RFPL1: variants seen among roughly 807,000 people sequenced by gnomAD.
The protein encoded by RFPL1 is ret finger protein like 1, also known as ret finger protein-like 1.
Under a neutral mutation model 9.6 loss-of-function variants are expected in RFPL1, and 6 were observed. That is an observed-to-expected ratio of 0.62 (90% CI 0.34 to 1.23). The LOEUF is 1.23. Among genes scored for constraint, RFPL1 ranks in the 50% most tolerant of loss-of-function variants. The pLI, the probability that RFPL1 is intolerant of heterozygous loss-of-function variation, is 0.03. For synonymous variants in RFPL1, 145 were observed against 149.4 expected (o/e 0.97, Z 0.22); for missense variants, 352 against 398.4 (o/e 0.88, Z 0.99).
the RFPL1 span, among the ~76,000 whole-genome samples, chr22:29,426,586 T>G: frequency 4.6e-5 from 7 of 152,048 alleles, no homozygotes; most frequent in African/African-American, 1.7e-4. Flanking sequence ...ACACTCTCTC[T>G]CCTAAAAATA....
chr22:29,432,063 T>C, the RFPL1 span, among the ~76,000 whole-genome samples: 1 of 152,198 alleles, frequency 6.6e-6, no homozygotes, highest in Non-Finnish European at 1.5e-5. Flanking sequence ...CATTTTACAC[T>C]GAAGGTGTGA....
chr22:29,411,265 T>C, the RFPL1 span, among the ~76,000 whole-genome samples: 2 of 152,186 alleles, frequency 1.3e-5, no homozygotes, highest in Non-Finnish European at 2.9e-5. Context: ...ATTGATATTA[T>C]CTCCATTTTA....
the RFPL1 span, among the ~76,000 whole-genome samples, chr22:29,408,524 C>T: frequency 1.3e-5 from 2 of 152,190 alleles, no homozygotes; most frequent in African/African-American, 2.4e-5. Flanking sequence ...GATGTGCAGG[C>T]GTCTGCACAC....
the RFPL1 span, among the ~76,000 whole-genome samples, chr22:29,419,886 G>A: frequency 6.6e-6 from 1 of 152,094 alleles, no homozygotes; most frequent in Admixed American, 6.5e-5. Flanking sequence ...AGCTACAAAG[G>A]TTCTGAGGAA....
At chr22:29,392,276 C>T in the RFPL1 span, among the ~76,000 whole-genome samples, 8 of 149,796 alleles carry the variant, frequency 5.3e-5, no homozygotes, top group African/African-American at 1.7e-4. Flanking sequence ...GATGGGGTTC[C>T]AACCTGTTGA....
chr22:29,441,517 G>C, intron 1 of RFPL1, 25 bp from the exon 2 acceptor site: 1 of 1,598,622 alleles, frequency 6.3e-7, no homozygotes, highest in Non-Finnish European at 8.6e-7. Context: ...TCCATTTTCT[G>C]ATCAACTTTT....
the RFPL1 span, among the ~76,000 whole-genome samples, chr22:29,393,262 T>G: frequency 5.3e-5 from 8 of 152,172 alleles, no homozygotes; most frequent in African/African-American, 1.9e-4. Flanking sequence ...TCCATGACAG[T>G]TCCATGACTG....
At chr22:29,408,371 T>C in the RFPL1 span, among the ~76,000 whole-genome samples, 4 of 152,154 alleles carry the variant, frequency 2.6e-5, no homozygotes, top group Non-Finnish European at 5.9e-5. Context: ...AGGAGAATGG[T>C]CCAGCAGCAG....
chr22:29,419,594 G>A, the RFPL1 span, among the ~76,000 whole-genome samples: 1 of 152,058 alleles, frequency 6.6e-6, no homozygotes. Flanking sequence ...CACGAGGCCA[G>A]GAGATCAAGA....
chr22:29,439,662 G>A, intron 1 of RFPL1: 1 of 157,712 alleles, frequency 6.3e-6, no homozygotes. Context: ...TCTATGTCAT[G>A]GGTTAGACAA....
At chr22:29,422,707 C>A in the RFPL1 span, among the ~76,000 whole-genome samples, 3 of 152,030 alleles carry the variant, frequency 2.0e-5, no homozygotes, top group African/African-American at 7.3e-5. Context: ...CGCGCCACTG[C>A]ACTCCAGCTT....
chr22:29,425,422 A>G, the RFPL1 span, among the ~76,000 whole-genome samples: 3 of 152,112 alleles, frequency 2.0e-5, no homozygotes, highest in Non-Finnish European at 4.4e-5. Context: ...CATCTTGACC[A>G]TGGAAAGGTC....
chr22:29,391,677 G>C, the RFPL1 span, among the ~76,000 whole-genome samples: 1 of 152,202 alleles, frequency 6.6e-6, no homozygotes, highest in Non-Finnish European at 1.5e-5. Context: ...CATTTGCGCT[G>C]TCTTGCCGAA....
the RFPL1 span, among the ~76,000 whole-genome samples, chr22:29,417,532 A>C: frequency 6.7e-6 from 1 of 149,094 alleles, no homozygotes. Context: ...CCACGAGGGC[A>C]TGGGTGAAAG....
At chr22:29,429,689 C>T in the RFPL1 span, among the ~76,000 whole-genome samples, 1 of 152,178 alleles carries the variant, frequency 6.6e-6, no homozygotes, top group South Asian at 2.1e-4. Flanking sequence ...AGAAGTCTTA[C>T]TGGCCTTACT....
chr22:29,415,262 C>G, the RFPL1 span, among the ~76,000 whole-genome samples: 1 of 152,126 alleles, frequency 6.6e-6, no homozygotes, highest in African/African-American at 2.4e-5. Flanking sequence ...AAATCAAAAC[C>G]AAAACCAAAG....
exon 1 of RFPL1, chr22:29,438,718 G>A: frequency 1.9e-6 from 3 of 1,563,930 alleles, no homozygotes; most frequent in Non-Finnish European, 2.6e-6. Flanking sequence ...CGGGGGGTGG[G>A]GGGATGTGCT....
chr22:29,409,947 T>G, the RFPL1 span, among the ~76,000 whole-genome samples: 1 of 152,130 alleles, frequency 6.6e-6, no homozygotes, highest in Non-Finnish European at 1.5e-5. Flanking sequence ...TAGCAACTTT[T>G]TCTTCTTGAA....
At chr22:29,429,942 G>C in the RFPL1 span, among the ~76,000 whole-genome samples, 1 of 152,106 alleles carries the variant, frequency 6.6e-6, no homozygotes, top group South Asian at 2.1e-4. Context: ...AATTGACTTG[G>C]TGAATCTCTC....
Sources: allele counts gnomAD v4.1 joint callset (sites outside exome capture counted in the v4.1 genomes callset), GRCh38; gene constraint gnomAD v4.1.1; transcripts MANE v1.5; gene names NCBI Gene and HGNC (gene_info 2026-07-23, HGNC 2026-07-21).